Variants in CFAP45 observed in about 807,000 individuals in gnomAD.
The protein encoded by CFAP45 is cilia and flagella associated protein 45, also known as cilia- and flagella-associated protein 45.
CFAP45 carries 43 observed loss-of-function variants against 75.6 expected under a neutral mutation model. The ratio of observed to expected loss-of-function variants is 0.57; its 90% CI spans 0.45 to 0.73. The LOEUF (loss-of-function observed/expected upper bound fraction) is 0.73, where lower values mean the gene tolerates loss of function less well. Ranked by LOEUF, CFAP45 falls within the 30% of genes least tolerant of loss-of-function variation. The pLI, the probability that CFAP45 is intolerant of heterozygous loss-of-function variation, is 0.00. For missense variants in CFAP45, 689 were observed against 701.5 expected, an observed-to-expected ratio of 0.98 and a Z score of 0.20; for synonymous variants, 223 against 244.6, an observed-to-expected ratio of 0.91 and a Z score of 0.82.
chr1:159,878,624 A>G (rs956091578), intron 8 of CFAP45, among the ~76,000 whole-genome samples: 9 of 151,534 alleles, frequency 5.9e-5, no homozygotes, highest in Non-Finnish European at 1.3e-4. Flanking sequence ...ATGGTGGCGC[A>G]TGCCTGTAGT....
At position 159,888,343 on chromosome 1, in the gene CFAP45, G is replaced by A. The variant is rs779993381; in HGVS notation, c.417+9C>T. 6.2e-7 allele frequency: 1 copy of A among 1,613,712 alleles called. No individual in the cohort carries two copies. The highest frequency in any genetic ancestry group is 1.7e-5 in the Admixed American group (1 of 59,986). ...TCTGCAGAGGTGAAGGCTTAGGGAGGTTAACTACCATGGTGGCTTCCTTCT... is the reference window on the plus strand; with the variant it reads ...TCTGCAGAGGTGAAGGCTTAGGGAGATTAACTACCATGGTGGCTTCCTTCT... On this transcript the variant is annotated intron_variant, in intron 4 of 11. Coordinates refer to ENST00000368099, the MANE Select transcript of CFAP45 (RefSeq NM_012337.3).
In CFAP45 at chr1:159,878,753, TAAA is replaced by T. The variant is rs539116292; in HGVS notation, c.1045-1294_1045-1292del. ...CCTAGTGACAGAGCAAGACTACATC[TAAA>T]AAAAAAAAAAAAAAAAAAAAAAAAA... On this transcript the variant is annotated intron_variant, in intron 8 of 11. Transcript: ENST00000368099. Among the ~76,000 whole-genome samples the T allele has an allele frequency of 6.8e-3, 220 of 32,464 alleles. 2 individuals carry two copies. The highest frequency in any genetic ancestry group is 0.018 in the African/African-American group (184 of 10,306). 21.3% of individuals were successfully genotyped at this position (32,464 alleles called of 152,430 possible).
In CFAP45 at chr1:159,893,256, C is replaced by A. The variant is rs781655391; in HGVS notation, c.53G>T (p.Arg18Met). 13 of 1,613,778 alleles carry A rather than the reference C, an allele frequency of 8.1e-6. No individual in the cohort carries two copies. The South Asian group carries it at 1.4e-4, about 18-fold the overall frequency. ...CCGATAGCGAGCCTTATTCCTTGAC[C>A]TGTTGGAAGCGGCAGAAGAGGAGCT... ...ILSSSSAASNRSRNKARYRTK... is the reference protein window; with the variant it reads ...ILSSSSAASNMSRNKARYRTK... The change falls in exon 2 of 12, where the codon AGG becomes ATG. Residue 18 changes from arginine to methionine, a missense_variant. Arg to Met is a moderately conservative substitution (Grantham distance 91). Transcript: ENST00000368099.
chr1:159,874,574 G>A (rs989051421), intron 10 of CFAP45, among the ~76,000 whole-genome samples: 25 of 152,158 alleles, frequency 1.6e-4, no homozygotes, highest in Non-Finnish European at 2.9e-5. Flanking sequence ...GTTTTCTATT[G>A]TTTCACCCTC....
At chr1:159,876,129 A>C (rs964090217) in intron 10 of CFAP45, 1 of 202,802 alleles carries the variant, frequency 4.9e-6, no homozygotes, top group African/African-American at 2.3e-5. Flanking sequence ...AACGGCAAAC[A>C]GCTCCCTTAA....
chr1:159,880,223 G>A (rs529712837), intron 8 of CFAP45, among the ~76,000 whole-genome samples: 83 of 152,264 alleles, frequency 5.5e-4, no homozygotes, highest in African/African-American at 1.9e-3. Flanking sequence ...GTATAATTAC[G>A]CAAGTCATGA....
chr1:159,898,722 A>G (rs905533398), intron 1 of CFAP45, among the ~76,000 whole-genome samples: 8 of 152,328 alleles, frequency 5.3e-5, no homozygotes, highest in African/African-American at 1.9e-4. Context: ...AACATTTACC[A>G]TATGCCCTTA....
At chr1:159,893,133 C>G (rs765459098) in intron 2 of CFAP45, 47 bp downstream of exon 2, 14 of 1,608,108 alleles carry the variant, frequency 8.7e-6, no homozygotes, top group Non-Finnish European at 1.2e-5. Context: ...ATTTTTGGGC[C>G]TCTGCCTGCA....
Position 159,884,482 on chromosome 1 carries a change from T to G in CFAP45, c.851A>C (p.Glu284Ala). The part of the protein sequence containing the change: ...LLAEQREQEK[E>A]QMLEYMEQLQ... The stretch of plus-strand genomic sequence containing the variant: ...CTGTTCCATATATTCCAGCATCTGC[T>G]CCTTCTCCTGCTCCCGCTGCTCAGC... Residue 284 changes from glutamate to alanine, a missense_variant, in exon 7 of 12, where the codon GAG (glutamate) becomes GCG (alanine). Transcript: ENST00000368099. 6.2e-7 allele frequency: 1 copy of G among 1,613,934 alleles called. No homozygotes were observed. Among genetic ancestry groups the G allele is most frequent in the Non-Finnish European group, 8.5e-7 (1 of 1,179,932 alleles).
rs770423692 is a variant in CFAP45 at position 159,876,534 on chromosome 1, A to C, written c.1352+22T>G. 3 of 1,561,048 alleles carry C rather than the reference A, an allele frequency of 1.9e-6. No individual in the cohort carries two copies. In the African/African-American group the frequency reaches 4.1e-5, roughly 21 times the overall value. ...TGCTACAGTACAAGGAAAGGAATCC[A>C]AGGTTCCCAGGCCCCTCCTACCGAA... On this transcript the variant is annotated intron_variant, in intron 10 of 11. Transcript: ENST00000368099.
chr1:159,883,626 ATATATAT>A (rs377565894), intron 7 of CFAP45, among the ~76,000 whole-genome samples: 85,110 of 130,848 alleles, frequency 0.65, 26,101 homozygotes, highest in East Asian at 0.78. Flanking sequence ...ACAATAAAAT[ATATATAT>A]ATATATATAT....
rs745830947 is a variant in CFAP45, at chr1:159,888,481, A to T, written c.288T>A (p.Asp96Glu). Residue 96 changes from aspartate to glutamate, a missense_variant, in exon 4 of 12, where the codon GAT becomes GAA. By Grantham distance (45) the Asp-to-Glu change is conservative (BLOSUM62 2). Coordinates refer to ENST00000368099, the MANE Select transcript of CFAP45 (RefSeq NM_012337.3). ...MVRELIVPTE[D>E]PSGESLIISP... ...TGATGATTAGGGACTCCCCGGAGGG[A>T]TCCTCTGTGGGAACACTGTCACAAG... The T allele has an allele frequency of 1.4e-5, 22 of 1,613,816 alleles. 1 individual carries two copies. In the South Asian group the frequency reaches 2.4e-4, roughly 18 times the overall value.
chr1:159,891,040 T>A (rs1358442387), intron 2 of CFAP45, among the ~76,000 whole-genome samples: 1 of 152,178 alleles, frequency 6.6e-6, no homozygotes, highest in African/African-American at 2.4e-5. Flanking sequence ...ATTACAGGCG[T>A]GAGCCACCAT....
At position 159,886,634 on chromosome 1, in the gene CFAP45, T is replaced by A; in HGVS notation, c.644A>T (p.Gln215Leu). The A allele has an allele frequency of 6.2e-7, 1 of 1,614,180 alleles. No individual in the cohort carries two copies. Among genetic ancestry groups the A allele is most frequent in the Non-Finnish European group, 8.5e-7 (1 of 1,180,004 alleles). Residue 215 changes from glutamine (Q) to leucine (L), a missense_variant, in exon 6 of 12, where the codon CAG (glutamine) becomes CTG (leucine). Coordinates refer to ENST00000368099, the MANE Select transcript of CFAP45 (RefSeq NM_012337.3). ...TGTGTCCAGTTCTTTTTGGATCTGC[T>A]GCTTCTCCAGGATTTGGGCATCCCG... The part of the protein sequence containing the change: ...AIRDAQILEK[Q>L]QIQKELDTEE...
chr1:159,882,311 A>T (rs1256075385), intron 7 of CFAP45, among the ~76,000 whole-genome samples: 1 of 152,046 alleles, frequency 6.6e-6, no homozygotes, highest in African/African-American at 2.4e-5. Flanking sequence ...TGTATCCCAG[A>T]CATCATTTAA....
intron 3 of CFAP45, among the ~76,000 whole-genome samples, chr1:159,889,157 A>G (rs756092302): frequency 6.6e-6 from 1 of 152,168 alleles, no homozygotes; most frequent in Admixed American, 6.5e-5. Context: ...TGTGATCAAC[A>G]ATAGCCAGAG....
intron 6 of CFAP45, among the ~76,000 whole-genome samples, chr1:159,884,852 C>T (rs1649639016): frequency 6.6e-6 from 1 of 152,178 alleles, no homozygotes; most frequent in Non-Finnish European, 1.5e-5. Flanking sequence ...TGATAAAACA[C>T]CTTCTACCTT....
In CFAP45 at chr1:159,880,642, T is replaced by C. The variant is rs945554552; in HGVS notation, c.956A>G (p.Asn319Ser). 7.4e-6 allele frequency: 12 copies of C among 1,613,958 alleles called. No individual in the cohort carries two copies. Among genetic ancestry groups the C allele is most frequent in the East Asian group, 2.2e-5 (1 of 44,890 alleles). Residue 319 changes from asparagine to serine, a missense_variant, in exon 8 of 12, where the codon AAT (asparagine) becomes AGT (serine). Asn to Ser is a conservative substitution (Grantham distance 46). Transcript: ENST00000368099. ...LKMQAEIKRINDENQKQKAEL... is the reference protein window; with the variant it reads ...LKMQAEIKRISDENQKQKAEL... ...TGCTTTCTGTTTCTGGTTTTCATCA[T>C]TGATGCGCTTAATCTCAGCTTGCAT...
At chr1:159,889,283 G>A (rs967228453) in intron 3 of CFAP45, among the ~76,000 whole-genome samples, 4 of 151,942 alleles carry the variant, frequency 2.6e-5, no homozygotes, top group Non-Finnish European at 4.4e-5. Flanking sequence ...AGTAGTTAGG[G>A]GGGTGGGAAG....
Sources: allele counts gnomAD v4.1 joint callset (sites outside exome capture counted in the v4.1 genomes callset), GRCh38; gene constraint gnomAD v4.1.1; transcripts MANE v1.5; gene names NCBI Gene and HGNC (gene_info 2026-07-23, HGNC 2026-07-21).